The following NEBL variants were observed in gnomAD, a reference collection of about 807,000 sequenced individuals.
The protein encoded by NEBL is LIM and SH3 protein 2.
NEBL carries 122 observed loss-of-function variants against 140.2 expected under a neutral mutation model. The ratio of observed to expected loss-of-function variants is 0.87; its 90% CI spans 0.75 to 1.01. The LOEUF (loss-of-function observed/expected upper bound fraction) is 1.01, where lower values mean the gene tolerates loss of function less well. NEBL is among the 50% of genes least tolerant of loss of function. The pLI is 0.00. For synonymous variants in NEBL, 436 were observed against 398.9 expected, an observed-to-expected ratio of 1.09 and a Z score of -1.11; for missense variants, 1,365 against 1,231.3, an observed-to-expected ratio of 1.11 and a Z score of -1.62.
At chr10:21,270,968 C>T (rs2132289079) in intron 1 of NEBL, among the ~76,000 whole-genome samples, 1 of 152,268 alleles carries the variant, frequency 6.6e-6, no homozygotes, top group South Asian at 2.1e-4. Context: ...TATGTCAGTT[C>T]CTCAAAAGAC....
intron 2 of NEBL, among the ~76,000 whole-genome samples, chr10:21,025,442 T>G (rs1161508184): frequency 1.3e-5 from 2 of 152,192 alleles, no homozygotes; most frequent in African/African-American, 4.8e-5. Flanking sequence ...GAAGACTGCA[T>G]CTGAAATAGT....
At chr10:21,094,446 G>A (rs1837076068) in intron 2 of NEBL, among the ~76,000 whole-genome samples, 1 of 144,034 alleles carries the variant, frequency 6.9e-6, no homozygotes, top group Non-Finnish European at 1.5e-5. Context: ...AGCTTGCAGT[G>A]AGCCGAGATT....
intron 26 of NEBL, among the ~76,000 whole-genome samples, chr10:20,792,265 A>C (rs1443974593): frequency 6.6e-6 from 1 of 152,292 alleles, no homozygotes; most frequent in South Asian, 2.1e-4. Context: ...GGAGAAAATC[A>C]CCATTCAGAA....
At chr10:21,290,970 C>T (rs1294899766) in intron 1 of NEBL, among the ~76,000 whole-genome samples, 2 of 152,168 alleles carry the variant, frequency 1.3e-5, no homozygotes, top group Non-Finnish European at 2.9e-5. Flanking sequence ...CAGACTGGAA[C>T]CTTCAGAGGG....
At chr10:21,044,229 T>C (rs1033155539) in intron 2 of NEBL, among the ~76,000 whole-genome samples, 1 of 151,712 alleles carries the variant, frequency 6.6e-6, no homozygotes, top group African/African-American at 2.4e-5. Flanking sequence ...AAACCCCATC[T>C]CTACCGAAAA....
At chr10:21,024,263 G>A (rs556267081) in intron 2 of NEBL, among the ~76,000 whole-genome samples, 1 of 151,932 alleles carries the variant, frequency 6.6e-6, no homozygotes, top group East Asian at 1.9e-4. Context: ...TTTAATAGTG[G>A]GTTAATCAGT....
At chr10:20,921,675 GC>G (rs1196925039) in intron 4 of NEBL, among the ~76,000 whole-genome samples, 2 of 151,964 alleles carry the variant, frequency 1.3e-5, no homozygotes, top group Non-Finnish European at 2.9e-5. Context: ...CTCTTTATTT[GC>G]CAATAAGTGG....
At chr10:21,167,487 G>T (rs967102238) in intron 2 of NEBL, among the ~76,000 whole-genome samples, 5 of 152,164 alleles carry the variant, frequency 3.3e-5, no homozygotes, top group African/African-American at 1.2e-4. Flanking sequence ...CTATTGCGTC[G>T]TTCCTTGGTG....
At chr10:21,222,435 C>T (rs1842083507) in intron 3 of NEBL, among the ~76,000 whole-genome samples, 3 of 152,012 alleles carry the variant, frequency 2.0e-5, no homozygotes, top group Admixed American at 1.3e-4. Context: ...CCTGTGAAAT[C>T]CACAGTTTAC....
chr10:21,201,425 TG>T (rs1841734036), intron 3 of NEBL, among the ~76,000 whole-genome samples: 1 of 152,198 alleles, frequency 6.6e-6, no homozygotes, highest in Admixed American at 6.5e-5. Context: ...GAATTTATTG[TG>T]AAGCATGATT....
chr10:20,790,207 C>T (rs559381668), intron 26 of NEBL, among the ~76,000 whole-genome samples: 1 of 152,046 alleles, frequency 6.6e-6, no homozygotes, highest in African/African-American at 2.4e-5. Context: ...TTCTCATTTG[C>T]CATCTGGCTG....
intron 2 of NEBL, among the ~76,000 whole-genome samples, chr10:21,147,733 G>A (rs1839964200): frequency 6.6e-6 from 1 of 152,118 alleles, no homozygotes; most frequent in South Asian, 2.1e-4. Flanking sequence ...CATTCTATCT[G>A]GTTGCCCAGA....
Position 20,944,332 on chromosome 10 carries a change from G to A in NEBL, c.357+17340C>T, listed in dbSNP as rs377078010. 4.9e-4 allele frequency among the ~76,000 whole-genome samples: 74 copies of A among 152,172 alleles called. 2 individuals are homozygous for A. The East Asian group carries it at 0.011, about 23-fold the overall frequency. On this transcript the variant is annotated intron_variant, in intron 4 of 6. Transcript: ENST00000417816. ...GGAGAATCACGTGAACCTGGGAGGC[G>A]GAGGGTGCACTGAGCCAAGATCACG...
In NEBL at chr10:20,941,219, T is replaced by A. The variant is rs533581256; in HGVS notation, c.357+20453A>T. On this transcript the variant is annotated intron_variant, in intron 4 of 6. Transcript: ENST00000417816. ...ACTGGCAAACCAAATCCAGCAGCAC[T>A]TCAAAAAGCTTATCCACCATGATCA... Among the ~76,000 whole-genome samples, 65 of 152,238 alleles carry A rather than the reference T, an allele frequency of 4.3e-4. 1 individual carries two copies. Among genetic ancestry groups the A allele is most frequent in the Non-Finnish European group, 6.9e-4 (47 of 68,002 alleles).
chr10:20,926,087 T>C (rs35034577), intron 4 of NEBL, among the ~76,000 whole-genome samples: 1,827 of 152,306 alleles, frequency 0.012, 35 homozygotes, highest in African/African-American at 0.042. Context: ...TTATGAAATC[T>C]TATAGGCCAT....
intron 2 of NEBL, among the ~76,000 whole-genome samples, chr10:21,158,711 C>T (rs186129554): frequency 1.2e-4 from 19 of 152,278 alleles, no homozygotes; most frequent in African/African-American, 2.2e-4. Context: ...CTTAATCCAA[C>T]GCAAAACGAC....
chr10:20,796,381 A>C (rs1174620577), intron 26 of NEBL, among the ~76,000 whole-genome samples: 2 of 150,952 alleles, frequency 1.3e-5, no homozygotes, highest in Non-Finnish European at 3.0e-5. Flanking sequence ...AAAAAAAAAA[A>C]AAAAAAAAAA....
At chr10:20,955,488 C>T (rs138997555) in intron 4 of NEBL, among the ~76,000 whole-genome samples, 4 of 152,044 alleles carry the variant, frequency 2.6e-5, no homozygotes, top group Non-Finnish European at 5.9e-5. Flanking sequence ...ATGCAAAAGC[C>T]CAGAACAGAG....
At chr10:20,894,811 C>T (rs887968291) in intron 2 of NEBL, among the ~76,000 whole-genome samples, 1 of 150,234 alleles carries the variant, frequency 6.7e-6, no homozygotes, top group African/African-American at 2.4e-5. Flanking sequence ...CGCCTGTGGT[C>T]CCGGCTACTC....
Sources: allele counts gnomAD v4.1 joint callset (sites outside exome capture counted in the v4.1 genomes callset), GRCh38; gene constraint gnomAD v4.1.1; transcripts MANE v1.5; gene names NCBI Gene and HGNC (gene_info 2026-07-23, HGNC 2026-07-21).